ANKS1B: variants seen among roughly 807,000 people sequenced by gnomAD.
The protein encoded by ANKS1B is ankyrin repeat and sterile alpha motif domain containing 1B, also known as ankyrin repeat and sterile alpha motif domain-containing protein 1B.
ANKS1B carries 36 observed loss-of-function variants against 148.3 expected under a neutral mutation model. The observed-to-expected ratio is 0.24, with a 90% CI of 0.19 to 0.32. The LOEUF (loss-of-function observed/expected upper bound fraction) is 0.32, where lower values mean the gene tolerates loss of function less well. ANKS1B is among the 10% of genes least tolerant of loss of function. The probability of loss-of-function intolerance (pLI) is 1.00; values close to 1 mark genes in which losing one functional copy is unlikely to be tolerated. For missense variants in ANKS1B, 1,157 were observed against 1,542.6 expected (o/e 0.75, Z 4.19); for synonymous variants, 542 against 560.8 (o/e 0.97, Z 0.47).
chr12:99,293,349 C>T (rs1241270882), intron 12 of ANKS1B, among the ~76,000 whole-genome samples: 19 of 108,176 alleles, frequency 1.8e-4, no homozygotes, highest in African/African-American at 4.4e-4. Flanking sequence ...TGGGGCCTGT[C>T]GGGGGGTGGG....
At chr12:98,897,656 A>G (rs1226868457) in intron 17 of ANKS1B, among the ~76,000 whole-genome samples, 4 of 152,244 alleles carry the variant, frequency 2.6e-5, no homozygotes, top group Non-Finnish European at 4.4e-5. Flanking sequence ...AAAATAGTAT[A>G]GGGATTTCTC....
At chr12:98,816,663 T>C (rs2099143722) in intron 19 of ANKS1B, among the ~76,000 whole-genome samples, 2 of 152,238 alleles carry the variant, frequency 1.3e-5, no homozygotes, top group African/African-American at 4.8e-5. Flanking sequence ...CTGACATTCA[T>C]GCAAAAGTAG....
At chr12:99,000,404 G>C (rs1364069420) in intron 17 of ANKS1B, among the ~76,000 whole-genome samples, 5 of 151,698 alleles carry the variant, frequency 3.3e-5, no homozygotes, top group African/African-American at 1.2e-4. Context: ...GAGTAGCTGG[G>C]ATTACAGGTG....
chr12:99,794,091 C>T (rs371544129), intron 4 of ANKS1B, among the ~76,000 whole-genome samples: 2 of 151,964 alleles, frequency 1.3e-5, no homozygotes, highest in African/African-American at 2.4e-5. Context: ...CATTGATCAT[C>T]GGAGAAATGC....
At chr12:98,805,102 G>A (rs138539695) in intron 20 of ANKS1B, among the ~76,000 whole-genome samples, 72 of 152,222 alleles carry the variant, frequency 4.7e-4, no homozygotes, top group African/African-American at 1.6e-3. Context: ...GATTCCTTAA[G>A]TAATCACAAA....
intron 14 of ANKS1B, among the ~76,000 whole-genome samples, chr12:99,182,576 G>T (rs1045051558): frequency 7.9e-5 from 12 of 152,032 alleles, no homozygotes; most frequent in African/African-American, 2.2e-4. Context: ...TGGACACTTG[G>T]TTTTTTCCAA....
At chr12:98,942,114 G>C (rs1307624875) in intron 17 of ANKS1B, among the ~76,000 whole-genome samples, 2 of 151,876 alleles carry the variant, frequency 1.3e-5, no homozygotes, top group African/African-American at 2.4e-5. Flanking sequence ...GGTGGTATGT[G>C]CCTGTAATCC....
At chr12:99,146,920 G>A (rs1322710032) in intron 15 of ANKS1B, among the ~76,000 whole-genome samples, 1 of 152,120 alleles carries the variant, frequency 6.6e-6, no homozygotes, top group Non-Finnish European at 1.5e-5. Context: ...AGATCCGCCT[G>A]TTTTTGTAAA....
intron 1 of ANKS1B, among the ~76,000 whole-genome samples, chr12:99,941,150 C>T (rs1382114236): frequency 1.3e-5 from 2 of 151,956 alleles, no homozygotes; most frequent in Non-Finnish European, 2.9e-5. Flanking sequence ...ATATAGAGGA[C>T]AAATCGCTCA....
intron 12 of ANKS1B, among the ~76,000 whole-genome samples, chr12:99,328,913 C>T (rs1398626880): frequency 6.6e-6 from 1 of 151,858 alleles, no homozygotes; most frequent in Non-Finnish European, 1.5e-5. Flanking sequence ...ACTGAAAAAA[C>T]TTCTGGAGAT....
At chr12:99,600,434 A>T (rs780070328) in intron 9 of ANKS1B, among the ~76,000 whole-genome samples, 4 of 152,010 alleles carry the variant, frequency 2.6e-5, no homozygotes, top group African/African-American at 4.8e-5. Flanking sequence ...GGGAAGAAAG[A>T]GATTATCATC....
chr12:99,734,915 A>G (rs2059480232), intron 8 of ANKS1B, among the ~76,000 whole-genome samples: 1 of 152,006 alleles, frequency 6.6e-6, no homozygotes, highest in Non-Finnish European at 1.5e-5. Context: ...CATCAACTCC[A>G]TCCCTCCAGA....
intron 1 of ANKS1B, among the ~76,000 whole-genome samples, chr12:99,869,441 A>G (rs957485744): frequency 1.1e-4 from 17 of 152,292 alleles, no homozygotes; most frequent in Admixed American, 1.0e-3. Flanking sequence ...TGGGAGGCTG[A>G]GGCAGGAGGA....
intron 14 of ANKS1B, among the ~76,000 whole-genome samples, chr12:99,155,337 T>A (rs773837238): frequency 5.3e-5 from 8 of 152,170 alleles, no homozygotes; most frequent in Non-Finnish European, 8.8e-5. Flanking sequence ...AGATATATAT[T>A]TTTTTCTTTT....
chr12:99,568,018 G>T (rs2097415060), intron 9 of ANKS1B, among the ~76,000 whole-genome samples: 1 of 152,120 alleles, frequency 6.6e-6, no homozygotes, highest in Non-Finnish European at 1.5e-5. Flanking sequence ...AAAATCCAGT[G>T]GTTAAATGAG....
chr12:99,724,334 A>G (rs922035678), intron 8 of ANKS1B, among the ~76,000 whole-genome samples: 4 of 152,260 alleles, frequency 2.6e-5, no homozygotes, highest in African/African-American at 9.6e-5. Flanking sequence ...GCTGAAAAAC[A>G]CAGCGGAAGA....
At chr12:98,781,313 AACACACACACACAC>A in intron 23 of ANKS1B, 110 bp from the exon 24 acceptor site, 1 of 613,440 alleles carries the variant, frequency 1.6e-6, no homozygotes, top group South Asian at 1.7e-5. Flanking sequence ...AAACAACAAC[AACACACACACACAC>A]ACACACACAC....
intron 9 of ANKS1B, among the ~76,000 whole-genome samples, chr12:99,533,475 T>C (rs2097025457): frequency 6.6e-6 from 1 of 152,164 alleles, no homozygotes; most frequent in Non-Finnish European, 1.5e-5. Flanking sequence ...GATCATATCA[T>C]CAGCAAAAGA....
chr12:99,598,252 A>G (rs1265289097), intron 9 of ANKS1B, among the ~76,000 whole-genome samples: 1 of 152,132 alleles, frequency 6.6e-6, no homozygotes, highest in African/African-American at 2.4e-5. Context: ...GTAGCCAGGC[A>G]CTGGGTATTA....
Sources: gnomAD v4.1 joint callset for allele counts (sites outside exome capture counted in the v4.1 genomes callset) on GRCh38, gnomAD v4.1.1 for gene constraint, MANE v1.5 for transcripts, NCBI Gene and HGNC (gene_info 2026-07-23, HGNC 2026-07-21) for gene names.